The following CMIP variants were observed in gnomAD, a reference collection of about 807,000 sequenced individuals.
CMIP encodes c-Maf inducing protein.
Under a neutral mutation model 97.3 loss-of-function variants are expected in CMIP, and 13 were observed. That is an observed-to-expected ratio of 0.13 (90% CI 0.09 to 0.21). The LOEUF (loss-of-function observed/expected upper bound fraction) is 0.21, where lower values mean the gene tolerates loss of function less well. CMIP is among the 10% of genes least tolerant of loss of function. The pLI, the probability that CMIP is intolerant of heterozygous loss-of-function variation, is 1.00. For synonymous variants in CMIP, 538 were observed against 436.3 expected (o/e 1.23, Z -2.91); for missense variants, 847 against 1,024.9 (o/e 0.83, Z 2.37).
At chr16:81,679,008 G>A (rs1567656994) in intron 10 of CMIP, among the ~76,000 whole-genome samples, 2 of 152,268 alleles carry the variant, frequency 1.3e-5, no homozygotes, top group Admixed American at 6.5e-5. Context: ...ATGAGTTTGT[G>A]TGTGTGTGTG....
chr16:81,564,537 G>A (rs1177722414), intron 1 of CMIP, among the ~76,000 whole-genome samples: 2 of 152,222 alleles, frequency 1.3e-5, no homozygotes, highest in Non-Finnish European at 2.9e-5. Flanking sequence ...AAGAGAATGA[G>A]AAGAAGCAAA....
intron 1 of CMIP, among the ~76,000 whole-genome samples, chr16:81,552,678 C>T (rs150446310): frequency 6.6e-6 from 1 of 152,206 alleles, no homozygotes; most frequent in African/African-American, 2.4e-5. Flanking sequence ...ACATCTGCAA[C>T]GTCTCTTCTG....
intron 1 of CMIP, among the ~76,000 whole-genome samples, chr16:81,532,849 T>A (rs2090266282): frequency 6.6e-6 from 1 of 152,166 alleles, no homozygotes; most frequent in Non-Finnish European, 1.5e-5. Context: ...CTCCTGCGCC[T>A]CTCTGCCCAG....
chr16:81,555,035 T>C (rs2090734524), intron 1 of CMIP, among the ~76,000 whole-genome samples: 1 of 152,148 alleles, frequency 6.6e-6, no homozygotes, highest in Non-Finnish European at 1.5e-5. Flanking sequence ...GCACCAGCTG[T>C]CACCTTGGTG....
chr16:81,569,619 C>G (rs1363240349), intron 1 of CMIP, among the ~76,000 whole-genome samples: 1 of 152,206 alleles, frequency 6.6e-6, no homozygotes, highest in Admixed American at 6.5e-5. Context: ...CGGGGAAGTC[C>G]CGATTTGCAA....
intron 10 of CMIP, among the ~76,000 whole-genome samples, chr16:81,682,110 C>T (rs980669962): frequency 1.3e-5 from 2 of 151,720 alleles, no homozygotes; most frequent in South Asian, 2.1e-4. Context: ...GGCTGAAGCA[C>T]GAGAATCATT....
intron 3 of CMIP, among the ~76,000 whole-genome samples, chr16:81,644,345 G>A (rs558454129): frequency 6.6e-6 from 1 of 152,304 alleles, no homozygotes; most frequent in East Asian, 1.9e-4. Context: ...TGGATTGTGT[G>A]GGCTAGCAGG....
chr16:81,591,554 G>C (rs1351382694), intron 1 of CMIP, among the ~76,000 whole-genome samples: 4 of 152,102 alleles, frequency 2.6e-5, no homozygotes, highest in Non-Finnish European at 5.9e-5. Flanking sequence ...ACATCATACT[G>C]GCCAAAACAA....
At chr16:81,612,972 A>C (rs2091856143) in intron 2 of CMIP, among the ~76,000 whole-genome samples, 1 of 152,190 alleles carries the variant, frequency 6.6e-6, no homozygotes, top group South Asian at 2.1e-4. Context: ...CTCTGCACAG[A>C]AGCGTGACCC....
chr16:81,460,342 C>T (rs945267282), intron 1 of CMIP, among the ~76,000 whole-genome samples: 1 of 152,098 alleles, frequency 6.6e-6, no homozygotes, highest in African/African-American at 2.4e-5. Context: ...GGGTGGGTGG[C>T]GTCCCTCAGC....
chr16:81,540,410 C>A (rs1240408133), intron 1 of CMIP, among the ~76,000 whole-genome samples: 1 of 152,198 alleles, frequency 6.6e-6, no homozygotes, highest in African/African-American at 2.4e-5. Flanking sequence ...TCAAGTGATT[C>A]TCCTGCCTCA....
At position 81,677,678 on chromosome 16, in the gene CMIP, G is replaced by T. The variant is rs114866903; in HGVS notation, c.1035-597G>T. 8.1e-3 allele frequency among the ~76,000 whole-genome samples: 1,239 copies of T among 152,318 alleles called. 27 individuals are homozygous for T. Among genetic ancestry groups the T allele is most frequent in the African/African-American group, 0.029 (1,191 of 41,556 alleles). On this transcript the variant is annotated intron_variant, in intron 9 of 20. Transcript: ENST00000537098. ...GGGTTAACATGTGTTAACACCTTGT[G>T]CAGGCTTCTGTTCCTCTGGGCAGTT...
chr16:81,590,028 T>C (rs2091443331), intron 1 of CMIP, among the ~76,000 whole-genome samples: 1 of 151,252 alleles, frequency 6.6e-6, no homozygotes, highest in South Asian at 2.1e-4. Flanking sequence ...GGCCCAGGGA[T>C]TGACTGCAGG....
At chr16:81,512,671 T>G (rs2150793044) in intron 1 of CMIP, among the ~76,000 whole-genome samples, 1 of 152,334 alleles carries the variant, frequency 6.6e-6, no homozygotes, top group South Asian at 2.1e-4. Flanking sequence ...TTCATGGATT[T>G]AAATTTATAT....
chr16:81,652,780 A>G lies in CMIP; in HGVS notation c.639+416A>G, dbSNP rs1268510568. Among the ~76,000 whole-genome samples, 5 of 152,320 alleles carry G rather than the reference A, an allele frequency of 3.3e-5. No homozygotes were observed. The East Asian group carries it at 9.6e-4, about 29-fold the overall frequency. On this transcript the variant is annotated intron_variant, in intron 4 of 20. Coordinates refer to ENST00000537098, the MANE Select transcript of CMIP (RefSeq NM_198390.3). This position sits in a 1 kb window ranked among gnomAD's most constrained non-coding sequence, Gnocchi z 5.2. ...TAAAAATCAGGAGATTTCACAGTAC[A>G]GTGGGAATTTCCAGGTTCTCTTTAA...
chr16:81,679,139 T>C (rs904330264), intron 10 of CMIP, among the ~76,000 whole-genome samples: 11 of 152,198 alleles, frequency 7.2e-5, no homozygotes, highest in East Asian at 1.9e-4. Flanking sequence ...TGAGTGTCTT[T>C]GTGTGCCTGA....
intron 1 of CMIP, among the ~76,000 whole-genome samples, chr16:81,545,852 G>C (rs1436859619): frequency 1.3e-5 from 2 of 152,166 alleles, no homozygotes. Context: ...TCTGGGTCTC[G>C]GCTGAATGAG....
chr16:81,480,592 C>T (rs1908199406), intron 1 of CMIP, among the ~76,000 whole-genome samples: 1 of 152,210 alleles, frequency 6.6e-6, no homozygotes, highest in African/African-American at 2.4e-5. Context: ...CATTCTGCTG[C>T]TCCAGCCTCC....
chr16:81,522,282 A>G (rs565567487), intron 1 of CMIP, among the ~76,000 whole-genome samples: 3 of 152,298 alleles, frequency 2.0e-5, no homozygotes, highest in African/African-American at 7.2e-5. Context: ...GCCCTAAGCC[A>G]GGTGGCCACA....
Sources: gnomAD v4.1 joint callset for allele counts (sites outside exome capture counted in the v4.1 genomes callset) on GRCh38, gnomAD v4.1.1 for gene constraint, Gnocchi (gnomAD v3.1) non-coding constraint, MANE v1.5 for transcripts, NCBI Gene and HGNC (gene_info 2026-07-23, HGNC 2026-07-21) for gene names.